The following RASL12 variants were observed in gnomAD, a reference collection of about 807,000 sequenced individuals.
The protein encoded by RASL12 is RAS like family 12.
RASL12 carries 16 observed loss-of-function variants against 22.9 expected under a neutral mutation model. The observed-to-expected ratio is 0.70, with a 90% CI of 0.47 to 1.06. RASL12 has a LOEUF of 1.06. Among genes scored for constraint, RASL12 ranks in the 50% least tolerant of loss-of-function variants. The probability of loss-of-function intolerance (pLI) is 0.00; values close to 1 mark genes in which losing one functional copy is unlikely to be tolerated. For synonymous variants in RASL12, 159 were observed against 152.2 expected, an observed-to-expected ratio of 1.04 and a Z score of -0.33; for missense variants, 306 against 353.1, an observed-to-expected ratio of 0.87 and a Z score of 1.07.
In RASL12 at chr15:65,055,242, G is replaced by A; in HGVS notation, c.458C>T (p.Ala153Val). 1 of 1,596,216 alleles carries A rather than the reference G, an allele frequency of 6.3e-7. No homozygotes were observed. The highest frequency in any genetic ancestry group is 1.1e-5 in the South Asian group (1 of 88,624). ...QVTKAEGVAL[A>V]GRFGCLFFEV... ...GAAAAACAGGCACCCAAACCTGCCT[G>A]CCAAAGCCACACCCTCTGCCTTGGT... The change falls in exon 5 of 5, where the codon GCA becomes GTA. Residue 153 changes from alanine (A) to valine (V), a missense_variant. Ala to Val is a moderately conservative substitution (Grantham distance 64). Coordinates refer to ENST00000220062, the MANE Select transcript of RASL12 (RefSeq NM_016563.4).
chr15:65,066,681 T>A (rs574379352), intron 1 of RASL12, among the ~76,000 whole-genome samples: 2 of 152,338 alleles, frequency 1.3e-5, no homozygotes, highest in East Asian at 3.9e-4. Flanking sequence ...CGGATAACAA[T>A]CTGATTTTCA....
At chr15:65,076,649 C>A in exon 1 of RASL12, 1 of 724,852 alleles carries the variant, frequency 1.4e-6, no homozygotes, top group Non-Finnish European at 2.4e-6. Flanking sequence ...CCCTCCGGGC[C>A]TGCAGCCATA....
chr15:65,066,145 AAAG>A (rs950878271), intron 1 of RASL12, among the ~76,000 whole-genome samples: 14 of 151,748 alleles, frequency 9.2e-5, no homozygotes, highest in Middle Eastern at 3.2e-3. Flanking sequence ...GAAAAAAAAG[AAAG>A]AAGAAGAGAG....
At chr15:65,076,537 T>C in exon 1 of RASL12, 2 of 700,436 alleles carry the variant, frequency 2.9e-6, no homozygotes, top group South Asian at 1.5e-5. Context: ...ACCTCGAGGG[T>C]CCGCGGCTTC....
chr15:65,049,806 T>C, downstream of RASL12: 1 of 389,572 alleles, frequency 2.6e-6, no homozygotes, highest in Non-Finnish European at 4.7e-6. Context: ...TTTTGTCCCA[T>C]AACTTTGGGC....
At chr15:65,076,311 C>T (rs2086968752) in intron 1 of RASL12, among the ~76,000 whole-genome samples, 1 of 152,200 alleles carries the variant, frequency 6.6e-6, no homozygotes, top group Admixed American at 6.5e-5. Flanking sequence ...AAGTCTGCAG[C>T]TTCACTCCTG....
the RASL12 span, among the ~76,000 whole-genome samples, chr15:65,046,198 A>G: frequency 1.3e-5 from 2 of 152,184 alleles, no homozygotes; most frequent in East Asian, 3.8e-4. Flanking sequence ...CTACTCAGGA[A>G]GCTGAGGCAG....
At chr15:65,066,041 TAGAGAAGAGA>T (rs201555916) in intron 1 of RASL12, among the ~76,000 whole-genome samples, 11 of 132,624 alleles carry the variant, frequency 8.3e-5, no homozygotes, top group South Asian at 5.2e-4. Flanking sequence ...AAGAGAAGAG[TAGAGAAGAGA>T]AGAGAAGAGA....
upstream of RASL12, among the ~76,000 whole-genome samples, chr15:65,068,463 C>A (rs2140535489): frequency 6.6e-6 from 1 of 152,288 alleles, no homozygotes; most frequent in East Asian, 1.9e-4. The surrounding 1 kb of genome is among the most constrained non-coding windows in gnomAD (Gnocchi z 4.2). Flanking sequence ...ACTCTAGAGG[C>A]CTCACTGCAG....
chr15:65,076,645 G>A (rs765621928), exon 1 of RASL12: 72 of 711,858 alleles, frequency 1.0e-4, no homozygotes, highest in Admixed American at 4.4e-4. Context: ...GATGCCCTCC[G>A]GGCCTGCAGC....
intron 2 of RASL12, among the ~76,000 whole-genome samples, chr15:65,063,429 G>A (rs112570124): frequency 0.01 from 1,546 of 151,870 alleles, 7 homozygotes; most frequent in Non-Finnish European, 0.012. Flanking sequence ...CCAACACCTC[G>A]CCGGCCAGTG....
intron 4 of RASL12, among the ~76,000 whole-genome samples, chr15:65,056,126 G>A (rs2086728360): frequency 6.6e-6 from 1 of 152,144 alleles, no homozygotes; most frequent in African/African-American, 2.4e-5. Context: ...CAAGAGGGAA[G>A]AGATGGGGGG....
At chr15:65,051,421 T>A, downstream of RASL12, 2 of 1,188,364 alleles carry the variant, frequency 1.7e-6, no homozygotes, top group Admixed American at 3.5e-5. Flanking sequence ...CAGTTGATGC[T>A]GTAAGCTGGG....
In RASL12 at chr15:65,054,235, C is replaced by G. The variant is rs1045461082; in HGVS notation, c.*664G>C. ...CTGCTGGTGAAAGAACTCTGGGGCT[C>G]CTTATGCTGGACAACCTACAGTCCC... On this transcript the variant is annotated 3_prime_UTR_variant, in exon 5 of 5. Coordinates refer to ENST00000220062, the MANE Select transcript of RASL12 (RefSeq NM_016563.4). The G allele has an allele frequency of 1.2e-4, 115 of 985,814 alleles. No individual in the cohort carries two copies. The highest frequency in any genetic ancestry group is 1.3e-4 in the Non-Finnish European group (109 of 830,020). 61.1% of individuals were successfully genotyped at this position (985,814 alleles called of 1,614,324 possible).
chr15:65,058,827 A>G (rs2086767956), intron 3 of RASL12, among the ~76,000 whole-genome samples: 1 of 152,250 alleles, frequency 6.6e-6, no homozygotes. Flanking sequence ...CCAGCCAGAG[A>G]CTTGGAGACC....
At chr15:65,052,288 C>T (rs1000456371), downstream of RASL12, among the ~76,000 whole-genome samples, 2 of 151,594 alleles carry the variant, frequency 1.3e-5, no homozygotes, top group Admixed American at 1.3e-4. Flanking sequence ...CAAGGACCTA[C>T]GCTAAGTAGG....
At position 65,057,191 on chromosome 15, in the gene RASL12, G is replaced by T. The variant is rs1055980629; in HGVS notation, c.425+1236C>A. ...CTTTTTCCCACGGCCCATCTGACCC[G>T]TTCTAAACAAAGGGTCCCTTCCTTG... On this transcript the variant is annotated intron_variant, in intron 4 of 4. Transcript: ENST00000220062. 8.5e-5 allele frequency among the ~76,000 whole-genome samples: 13 copies of T among 152,118 alleles called. 1 individual carries two copies. The highest frequency in any genetic ancestry group is 1.3e-4 in the Admixed American group (2 of 15,280).
chr15:65,047,864 G>A, the RASL12 span, among the ~76,000 whole-genome samples: 1 of 152,178 alleles, frequency 6.6e-6, no homozygotes, highest in African/African-American at 2.4e-5. Flanking sequence ...TAAGTAGGCA[G>A]TGTGCATGTG....
intron 2 of RASL12, among the ~76,000 whole-genome samples, 168 bp from the exon 3 acceptor site, chr15:65,059,586 C>T (rs1177591923): frequency 1.3e-5 from 2 of 152,214 alleles, no homozygotes; most frequent in African/African-American, 4.8e-5. Flanking sequence ...ACAGGCAGAA[C>T]CTCCCACCAA....
Sources: gnomAD v4.1 joint callset for allele counts (sites outside exome capture counted in the v4.1 genomes callset) on GRCh38, gnomAD v4.1.1 for gene constraint, Gnocchi (gnomAD v3.1) non-coding constraint, MANE v1.5 for transcripts, NCBI Gene and HGNC (gene_info 2026-07-23, HGNC 2026-07-21) for gene names.